SHPRH: variants seen among roughly 807,000 people sequenced by gnomAD.
SHPRH encodes the protein SNF2 histone linker PHD RING helicase.
A neutral mutation model predicts 202.5 loss-of-function variants in SHPRH; 106 were observed. The observed-to-expected ratio is 0.52, with a 90% CI of 0.45 to 0.62. SHPRH has a LOEUF of 0.62. SHPRH is among the 20% of genes least tolerant of loss of function. SHPRH has a pLI of 0.00. For synonymous variants in SHPRH, 729 were observed against 686.0 expected (o/e 1.06, Z -0.98); for missense variants, 1,710 against 2,020.0 (o/e 0.85, Z 2.94).
chr6:145,947,763 A>G (rs1345065222), intron 5 of SHPRH, 120 bp from the exon 6 acceptor site: 9 of 1,254,744 alleles, frequency 7.2e-6, no homozygotes, highest in South Asian at 1.6e-5. Flanking sequence ...TATTGAAACT[A>G]TATTTTAGGG....
chr6:145,907,705 G>C (rs898878757), intron 25 of SHPRH: 4 of 151,812 alleles, frequency 2.6e-5, no homozygotes, highest in Non-Finnish European at 5.9e-5. Context: ...CTCTCCTCAG[G>C]CTGACTAATT....
chr6:145,925,913 G>T (rs1461345429), intron 16 of SHPRH, among the ~76,000 whole-genome samples: 1 of 151,506 alleles, frequency 6.6e-6, no homozygotes, highest in East Asian at 1.9e-4. Context: ...TGAGATCAAA[G>T]TTTCTTTTTT....
intron 1 of SHPRH, among the ~76,000 whole-genome samples, chr6:145,962,983 TTAA>T (rs1407634692): frequency 6.6e-6 from 1 of 152,248 alleles, no homozygotes; most frequent in Non-Finnish European, 1.5e-5. Flanking sequence ...GCCTAAACTC[TTAA>T]TAATAAAAGT....
chr6:145,896,778 T>C (rs1017835243), intron 25 of SHPRH, among the ~76,000 whole-genome samples: 6 of 151,988 alleles, frequency 3.9e-5, no homozygotes, highest in African/African-American at 1.4e-4. Context: ...AGAAATTAAA[T>C]AACATGCTCT....
intron 25 of SHPRH, among the ~76,000 whole-genome samples, chr6:145,897,800 A>T (rs929819875): frequency 1.3e-5 from 2 of 152,160 alleles, no homozygotes; most frequent in African/African-American, 2.4e-5. Context: ...TGCAGAAAAA[A>T]TATCTGATAA....
chr6:145,929,652 T>C (rs1319141259), intron 14 of SHPRH, among the ~76,000 whole-genome samples: 1 of 152,038 alleles, frequency 6.6e-6, no homozygotes, highest in Non-Finnish European at 1.5e-5. Context: ...CCTCTATTAA[T>C]GGACTTTCTG....
intron 25 of SHPRH, among the ~76,000 whole-genome samples, chr6:145,895,490 C>T (rs539956367): frequency 3.3e-5 from 5 of 150,432 alleles, no homozygotes; most frequent in Admixed American, 6.6e-5. Context: ...ATGATGCTCA[C>T]TTAGAATGAG....
intron 23 of SHPRH, chr6:145,917,262 C>T (rs1784036026): frequency 6.6e-6 from 1 of 152,036 alleles, no homozygotes; most frequent in Non-Finnish European, 1.5e-5. Flanking sequence ...TCAAGACAGC[C>T]CTATACTATA....
At chr6:145,892,461 T>G (rs541214370) in intron 28 of SHPRH, among the ~76,000 whole-genome samples, 24 of 152,284 alleles carry the variant, frequency 1.6e-4, no homozygotes, top group Non-Finnish European at 2.9e-4. Flanking sequence ...GGAAATAAAT[T>G]ATGTATCATT....
downstream of SHPRH, chr6:145,884,717 A>G (rs1486680416): frequency 1.3e-5 from 2 of 152,174 alleles, no homozygotes; most frequent in African/African-American, 2.4e-5. Flanking sequence ...ATGGGATTCT[A>G]TAGTATTAGC....
At chr6:145,901,515 T>C (rs1398068261) in intron 25 of SHPRH, among the ~76,000 whole-genome samples, 1 of 152,006 alleles carries the variant, frequency 6.6e-6, no homozygotes, top group Non-Finnish European at 1.5e-5. Flanking sequence ...CAAAAGGAAA[T>C]GTGGATACCA....
intron 22 of SHPRH, chr6:145,918,853 A>G (rs1014193905): frequency 5.9e-5 from 9 of 153,304 alleles, no homozygotes; most frequent in African/African-American, 2.2e-4. Context: ...CTTTTAATGG[A>G]GAATAAAAGA....
At chr6:145,907,732 G>A (rs1341267998) in intron 25 of SHPRH, 6 of 151,890 alleles carry the variant, frequency 4.0e-5, no homozygotes, top group Non-Finnish European at 8.8e-5. Flanking sequence ...TCATCCTTTA[G>A]ATACCTGCTT....
downstream of SHPRH, among the ~76,000 whole-genome samples, chr6:145,860,028 C>G (rs545748552): frequency 2.6e-5 from 4 of 152,072 alleles, no homozygotes; most frequent in African/African-American, 9.6e-5. Context: ...CATTTTGAAA[C>G]AGGCATTTAT....
At chr6:145,919,561 T>C in intron 21 of SHPRH, 70 bp from the exon 22 acceptor site, 2 of 1,544,038 alleles carry the variant, frequency 1.3e-6, no homozygotes, top group Non-Finnish European at 1.8e-6. Flanking sequence ...CACCAAGATG[T>C]GCCTTAAGCA....
Position 145,935,260 on chromosome 6 carries a change from A to C in SHPRH, c.2733+18T>G. The C allele has an allele frequency of 6.2e-7, 1 of 1,612,580 alleles. No homozygotes were observed. The highest frequency in any genetic ancestry group is 8.5e-7 in the Non-Finnish European group (1 of 1,179,586). ...TTCTCTTATAGTACCTTTATCAATAAAAACTTATTGTACTGACTTGGTCAA... is the reference window on the plus strand; with the variant it reads ...TTCTCTTATAGTACCTTTATCAATACAAACTTATTGTACTGACTTGGTCAA... On this transcript the variant is annotated intron_variant, in intron 12 of 29. Transcript: ENST00000275233.
intron 1 of SHPRH, among the ~76,000 whole-genome samples, chr6:145,962,782 C>T (rs1228470263): frequency 6.6e-6 from 1 of 152,166 alleles, no homozygotes; most frequent in Non-Finnish European, 1.5e-5. Context: ...GAAGCCCACT[C>T]ATTACTAAGT....
intron 11 of SHPRH, among the ~76,000 whole-genome samples, chr6:145,939,692 T>G (rs576389180): frequency 1.1e-4 from 16 of 152,322 alleles, no homozygotes; most frequent in Non-Finnish European, 2.1e-4. Context: ...AATGTGGTCC[T>G]TTACTGAACG....
intron 14 of SHPRH, among the ~76,000 whole-genome samples, chr6:145,928,066 G>A (rs754233048): frequency 6.6e-6 from 1 of 151,850 alleles, no homozygotes; most frequent in Non-Finnish European, 1.5e-5. Context: ...AATATTTCGT[G>A]ACATGTGAAA....
Sources: allele counts gnomAD v4.1 joint callset (sites outside exome capture counted in the v4.1 genomes callset), GRCh38; gene constraint gnomAD v4.1.1; transcripts MANE v1.5; gene names NCBI Gene and HGNC (gene_info 2026-07-23, HGNC 2026-07-21).